ROBO2: variants seen among roughly 807,000 people sequenced by gnomAD.
ROBO2 encodes the protein roundabout guidance receptor 2.
ROBO2 carries 53 observed loss-of-function variants against 160.8 expected under a neutral mutation model. The observed-to-expected ratio is 0.33, with a 90% confidence interval of 0.26 to 0.41. The LOEUF is 0.41. Ranked by LOEUF, ROBO2 falls within the 10% of genes least tolerant of loss-of-function variation. The pLI is 1.00. For synonymous variants in ROBO2, 664 were observed against 611.7 expected (o/e 1.09, Z -1.26); for missense variants, 1,577 against 1,722.4 (o/e 0.92, Z 1.49).
intron 2 of ROBO2, among the ~76,000 whole-genome samples, chr3:77,111,457 A>G (rs1353700755): frequency 6.6e-6 from 1 of 152,192 alleles, no homozygotes; most frequent in Non-Finnish European, 1.5e-5. Flanking sequence ...TTCTTTGGAA[A>G]GCATTTGAAT....
intron 16 of ROBO2, among the ~76,000 whole-genome samples, chr3:77,588,477 A>G (rs192269399): frequency 1.5e-5 from 2 of 133,862 alleles, no homozygotes; most frequent in East Asian, 2.2e-4. Flanking sequence ...ACTTATTTTT[A>G]TAATTTATAA....
chr3:76,445,647 A>G lies in ROBO2; in HGVS notation c.109+508045A>G, dbSNP rs575409806. Among the ~76,000 whole-genome samples, 7 of 152,318 alleles carry G rather than the reference A, an allele frequency of 4.6e-5. No homozygotes were observed. In the South Asian group the frequency reaches 1.5e-3, roughly 32 times the overall value. ...TCAATGCAAAAATCCTCAATAAAAT[A>G]CTGGCAAACCGAGTCCAGCAACTCA... On this transcript the variant is annotated intron_variant, in intron 2 of 26. Coordinates refer to the ROBO2 transcript ENST00000487694.
At chr3:77,564,318 G>A (rs1235830556) in intron 11 of ROBO2, 1 of 352,992 alleles carries the variant, frequency 2.8e-6, no homozygotes, top group Non-Finnish European at 5.6e-6. Flanking sequence ...CTGTAAATGG[G>A]TCCTCACACA....
At chr3:76,461,434 T>C (rs977716283) in intron 2 of ROBO2, among the ~76,000 whole-genome samples, 17 of 151,992 alleles carry the variant, frequency 1.1e-4, no homozygotes, top group Admixed American at 2.0e-4. Context: ...ATAATAAGAG[T>C]ATTAGGAAAA....
chr3:76,300,500 T>C (rs973285735), intron 2 of ROBO2, among the ~76,000 whole-genome samples: 1 of 152,008 alleles, frequency 6.6e-6, no homozygotes, highest in African/African-American at 2.4e-5. Context: ...CTAGGACTTA[T>C]ATCACTCATC....
chr3:76,503,186 C>G (rs1210528301), intron 2 of ROBO2, among the ~76,000 whole-genome samples: 1 of 152,110 alleles, frequency 6.6e-6, no homozygotes, highest in African/African-American at 2.4e-5. Context: ...AAGCATCCAG[C>G]ATGGGAGAAA....
chr3:77,568,529 T>C, intron 13 of ROBO2, 95 bp downstream of exon 14: 5 of 1,449,718 alleles, frequency 3.4e-6, no homozygotes, highest in Non-Finnish European at 4.8e-6. Flanking sequence ...TAATAAAAAT[T>C]CCCGCCATTT....
chr3:76,185,378 T>G (rs754280395), intron 2 of ROBO2, among the ~76,000 whole-genome samples: 1 of 151,820 alleles, frequency 6.6e-6, no homozygotes, highest in Non-Finnish European at 1.5e-5. Flanking sequence ...TATTTTCACA[T>G]GTTTATTGGC....
chr3:77,444,379 A>G (rs1365678371), intron 2 of ROBO2, among the ~76,000 whole-genome samples: 1 of 152,180 alleles, frequency 6.6e-6, no homozygotes, highest in African/African-American at 2.4e-5. Context: ...AAACCTTCAA[A>G]TTTTAATGGA....
At chr3:76,789,851 A>T (rs1272238876) in intron 2 of ROBO2, among the ~76,000 whole-genome samples, 1 of 151,656 alleles carries the variant, frequency 6.6e-6, no homozygotes, top group African/African-American at 2.4e-5. Context: ...CCATGAGGAA[A>T]CTTTTTATTC....
intron 2 of ROBO2, among the ~76,000 whole-genome samples, chr3:76,934,210 G>GAAA (rs10687758): frequency 0.24 from 34,641 of 142,428 alleles, 4,305 homozygotes; most frequent in African/African-American, 0.32. Context: ...ATCGAAAATA[G>GAAA]AAAAAAAAAA....
At chr3:76,162,985 C>T (rs1577108587) in intron 2 of ROBO2, among the ~76,000 whole-genome samples, 1 of 152,044 alleles carries the variant, frequency 6.6e-6, no homozygotes, top group East Asian at 1.9e-4. Flanking sequence ...GAATGGATTA[C>T]TGGGTGACAA....
intron 2 of ROBO2, among the ~76,000 whole-genome samples, chr3:77,171,320 A>C (rs988611698): frequency 6.6e-6 from 1 of 152,220 alleles, no homozygotes; most frequent in African/African-American, 2.4e-5. Flanking sequence ...GCCAAGGCAC[A>C]TTAGCTTTAC....
intron 6 of ROBO2, among the ~76,000 whole-genome samples, chr3:77,542,349 AT>A (rs2092506101): frequency 6.6e-6 from 1 of 151,900 alleles, no homozygotes; most frequent in Non-Finnish European, 1.5e-5. Flanking sequence ...TACTCTTCAA[AT>A]TTTTTGCTTT....
intron 2 of ROBO2, among the ~76,000 whole-genome samples, chr3:76,333,435 A>G (rs1281729388): frequency 6.6e-6 from 1 of 152,204 alleles, no homozygotes; most frequent in Admixed American, 6.5e-5. Flanking sequence ...CAGTAAATTA[A>G]GAAAAAATAC....
Position 76,800,524 on chromosome 3 carries a change from G to GA in ROBO2, c.110-297483dup, listed in dbSNP as rs562782606. Among the ~76,000 whole-genome samples, 8 of 152,080 alleles carry GA rather than the reference G, an allele frequency of 5.3e-5. 1 individual carries two copies. In the South Asian group the frequency reaches 8.3e-4, roughly 16 times the overall value. ...ATAAGGAGCTCAAAAAGCTCTAGAG[G>GA]AAAAAAATCTAATAATCTGATTTAA... On this transcript the variant is annotated intron_variant, in intron 2 of 26. Transcript: ENST00000487694.
chr3:77,537,902 ACC>A (rs2092233427), intron 6 of ROBO2, among the ~76,000 whole-genome samples: 2 of 151,844 alleles, frequency 1.3e-5, no homozygotes, highest in African/African-American at 4.8e-5. Flanking sequence ...TGATTCAATT[ACC>A]TCCCACCGGG....
intron 2 of ROBO2, among the ~76,000 whole-genome samples, chr3:76,847,295 T>A (rs2068863145): frequency 6.6e-6 from 1 of 152,018 alleles, no homozygotes; most frequent in Non-Finnish European, 1.5e-5. Context: ...TGAGGATGGG[T>A]TTAATGAGGC....
chr3:76,992,617 C>T (rs907930609), intron 2 of ROBO2, among the ~76,000 whole-genome samples: 4 of 151,478 alleles, frequency 2.6e-5, no homozygotes, highest in Non-Finnish European at 5.9e-5. Context: ...GTTGGCATAA[C>T]GTCAATTTTT....
Sources: allele counts gnomAD v4.1 joint callset (sites outside exome capture counted in the v4.1 genomes callset), GRCh38; gene constraint gnomAD v4.1.1; transcripts MANE v1.5; gene names NCBI Gene and HGNC (gene_info 2026-07-23, HGNC 2026-07-21).